Variants in GNG4 observed in about 807,000 individuals in gnomAD.
GNG4 encodes G protein subunit gamma 4, also known as guanine nucleotide-binding protein G(I)/G(S)/G(O) subunit gamma-4.
A neutral mutation model predicts 5.8 loss-of-function variants in GNG4; 4 were observed. The observed-to-expected ratio is 0.69, with a 90% CI of 0.34 to 1.57. The LOEUF (loss-of-function observed/expected upper bound fraction) is 1.57, where lower values mean the gene tolerates loss of function less well. GNG4 is among the 40% of genes most tolerant of loss of function. The pLI, the probability that GNG4 is intolerant of heterozygous loss-of-function variation, is 0.06. For missense variants in GNG4, 96 were observed against 95.1 expected (o/e 1.01, Z -0.04); for synonymous variants, 29 against 32.9 (o/e 0.88, Z 0.41).
intron 3 of GNG4, among the ~76,000 whole-genome samples, chr1:235,566,463 C>T (rs556046045): frequency 6.6e-6 from 1 of 152,308 alleles, no homozygotes; most frequent in South Asian, 2.1e-4. Context: ...CAACACCTGT[C>T]CTGTCTAGTT....
intron 3 of GNG4, among the ~76,000 whole-genome samples, chr1:235,568,678 G>A (rs577995069): frequency 6.6e-6 from 1 of 152,182 alleles, no homozygotes; most frequent in South Asian, 2.1e-4. Flanking sequence ...TGTCCAGACT[G>A]ATATTTTCCT....
intron 2 of GNG4, among the ~76,000 whole-genome samples, chr1:235,587,180 G>T (rs544766544): frequency 6.8e-6 from 1 of 146,856 alleles, no homozygotes; most frequent in Admixed American, 6.8e-5. Flanking sequence ...AGAGTGTGTG[G>T]GGGTGAGTGT....
chr1:235,565,989 A>G (rs1406850639), intron 3 of GNG4: 2 of 152,260 alleles, frequency 1.3e-5, no homozygotes, highest in African/African-American at 4.8e-5. Context: ...TCTGAAGGCT[A>G]TTAAGAGTGA....
chr1:235,596,336 G>A lies in GNG4; in HGVS notation c.-122-825C>T, dbSNP rs138746482. ...GCAGATCAACTGAGGTGGGAAGTTC[G>A]AGACCAGCCTGACAAATATGGAGAA... On this transcript the variant is annotated intron_variant, in intron 1 of 3. Coordinates refer to ENST00000391854, the MANE Select transcript of GNG4 (RefSeq NM_001098722.2). 3.0e-3 allele frequency among the ~76,000 whole-genome samples: 457 copies of A among 152,028 alleles called. 2 individuals are homozygous for A. The highest frequency in any genetic ancestry group is 0.01 in the African/African-American group (426 of 41,460).
In GNG4 at chr1:235,636,166, C is replaced by T. The variant is rs6701530; in HGVS notation, c.-123+13496G>A. Among the ~76,000 whole-genome samples the T allele has an allele frequency of 5.4e-3, 819 of 152,288 alleles. 12 individuals carry two copies. Among genetic ancestry groups the T allele is most frequent in the African/African-American group, 0.018 (747 of 41,566 alleles). ...AGAGACAGGGCTGGGCTGTTTTCACCGTGCTTCCTCATACCTGCCCCTCCT... is the reference window on the plus strand; with the variant it reads ...AGAGACAGGGCTGGGCTGTTTTCACTGTGCTTCCTCATACCTGCCCCTCCT... On this transcript the variant is annotated intron_variant, in intron 1 of 3. Transcript: ENST00000391854.
chr1:235,614,299 G>A (rs962334486), intron 1 of GNG4, among the ~76,000 whole-genome samples: 1 of 151,528 alleles, frequency 6.6e-6, no homozygotes, highest in East Asian at 1.9e-4. Context: ...TTTTTTCTTG[G>A]ATGGTCTGGC....
chr1:235,600,501 G>A (rs1457769989), intron 1 of GNG4, among the ~76,000 whole-genome samples: 1 of 151,752 alleles, frequency 6.6e-6, no homozygotes, highest in African/African-American at 2.4e-5. Flanking sequence ...GTGCAGTGGT[G>A]CAATCATAGC....
intron 3 of GNG4, among the ~76,000 whole-genome samples, chr1:235,573,493 C>A (rs1687396279): frequency 6.6e-6 from 1 of 151,566 alleles, no homozygotes; most frequent in African/African-American, 2.4e-5. Flanking sequence ...AAATAGGACT[C>A]ACGGCCCGGT....
Position 235,576,332 on chromosome 1 carries a change from G to A in GNG4, c.99+7408C>T, listed in dbSNP as rs146642876. 4.8e-3 allele frequency among the ~76,000 whole-genome samples: 728 copies of A among 152,156 alleles called. 5 individuals are homozygous for A. The highest frequency in any genetic ancestry group is 0.017 in the African/African-American group (688 of 41,520). On this transcript the variant is annotated intron_variant, in intron 3 of 3. Coordinates refer to ENST00000391854, the MANE Select transcript of GNG4 (RefSeq NM_001098722.2). ...CTGCCTCTGCCTCCTAAAGTGCTGG[G>A]ATTATAGGCGTGAGCCACCGCGCCC...
At chr1:235,597,010 C>T (rs1688138746) in intron 1 of GNG4, among the ~76,000 whole-genome samples, 1 of 152,040 alleles carries the variant, frequency 6.6e-6, no homozygotes, top group African/African-American at 2.4e-5. Flanking sequence ...GCTGGGATTA[C>T]AGCCATGAGC....
chr1:235,619,532 G>A (rs1207253137), intron 1 of GNG4, among the ~76,000 whole-genome samples: 1 of 152,204 alleles, frequency 6.6e-6, no homozygotes, highest in African/African-American at 2.4e-5. Flanking sequence ...CTTGCCTGTT[G>A]ACTTCAATAG....
intron 3 of GNG4, among the ~76,000 whole-genome samples, chr1:235,577,302 A>AT (rs1687508262): frequency 6.6e-6 from 1 of 152,014 alleles, no homozygotes; most frequent in South Asian, 2.1e-4. Context: ...AGTTGCCACG[A>AT]TTCCTACCAT....
At chr1:235,583,283 G>A (rs1687684433) in intron 3 of GNG4, among the ~76,000 whole-genome samples, 1 of 152,172 alleles carries the variant, frequency 6.6e-6, no homozygotes, top group African/African-American at 2.4e-5. Context: ...ACAACGGGAG[G>A]TGTCTGGAAC....
chr1:235,650,191 C>T (rs1217742183), upstream of GNG4, among the ~76,000 whole-genome samples: 1 of 125,994 alleles, frequency 7.9e-6, no homozygotes, highest in Admixed American at 7.8e-5. Context: ...CCCGCCCCGC[C>T]CCCCCGGAGC....
chr1:235,585,001 C>T (rs1419759731), intron 2 of GNG4, among the ~76,000 whole-genome samples: 1 of 152,170 alleles, frequency 6.6e-6, no homozygotes, highest in Non-Finnish European at 1.5e-5. Flanking sequence ...ACAGGTGTCA[C>T]TTTCACTGCC....
intron 1 of GNG4, among the ~76,000 whole-genome samples, chr1:235,646,714 C>T (rs1030841532): frequency 6.6e-6 from 1 of 152,206 alleles, no homozygotes; most frequent in Non-Finnish European, 1.5e-5. Context: ...CTGCATGGCA[C>T]CTGTCACTCT....
intron 1 of GNG4, among the ~76,000 whole-genome samples, chr1:235,612,140 T>C (rs181685267): frequency 4.1e-4 from 61 of 149,336 alleles, no homozygotes; most frequent in African/African-American, 1.4e-3. Flanking sequence ...AAGGGTTGGC[T>C]CCTCATTGGT....
At chr1:235,571,814 CA>C (rs1463795070) in intron 3 of GNG4, among the ~76,000 whole-genome samples, 1 of 152,122 alleles carries the variant, frequency 6.6e-6, no homozygotes, top group Non-Finnish European at 1.5e-5. Context: ...TCCTAGGCTA[CA>C]AACTTTTTAA....
chr1:235,568,477 A>C (rs1201169504), intron 3 of GNG4, among the ~76,000 whole-genome samples: 1 of 152,256 alleles, frequency 6.6e-6, no homozygotes, highest in African/African-American at 2.4e-5. Flanking sequence ...CCTTTAGTGA[A>C]ATTCAATGGA....
Sources: allele counts gnomAD v4.1 joint callset (sites outside exome capture counted in the v4.1 genomes callset), GRCh38; gene constraint gnomAD v4.1.1; transcripts MANE v1.5; gene names NCBI Gene and HGNC (gene_info 2026-07-23, HGNC 2026-07-21).